Variants in RIMBP2 observed in about 807,000 individuals in gnomAD.
RIMBP2 encodes RIMS binding protein 2, also known as RIMS-binding protein 2.
In RIMBP2, 48 loss-of-function variants were observed where a neutral mutation model predicts 118.6. The ratio of observed to expected loss-of-function variants is 0.40; its 90% CI spans 0.32 to 0.51. The LOEUF (loss-of-function observed/expected upper bound fraction) is 0.51. Ranked by LOEUF, RIMBP2 falls within the 20% of genes least tolerant of loss-of-function variation. RIMBP2 has a pLI of 0.41. For synonymous variants in RIMBP2, 762 were observed against 742.9 expected (o/e 1.03, Z -0.42); for missense variants, 1,551 against 1,768.3 (o/e 0.88, Z 2.20).
chr12:130,466,645 T>G (rs549804840), intron 6 of RIMBP2, among the ~76,000 whole-genome samples: 4 of 152,270 alleles, frequency 2.6e-5, no homozygotes, highest in African/African-American at 9.6e-5. Context: ...GCCGCAAAGA[T>G]TAAAAAGCTA....
chr12:130,570,627 C>A (rs2057559684), intron 2 of RIMBP2, among the ~76,000 whole-genome samples: 1 of 152,134 alleles, frequency 6.6e-6, no homozygotes, highest in Admixed American at 6.5e-5. Flanking sequence ...GACGAGTCGT[C>A]TAGACTGCCT....
chr12:130,601,335 C>CAAAAAAAAAAAAAAAAA (rs35127958), intron 2 of RIMBP2, among the ~76,000 whole-genome samples: 1 of 63,064 alleles, frequency 1.6e-5, no homozygotes, highest in Non-Finnish European at 3.0e-5. Flanking sequence ...AGAGGGCAGG[C>CAAAAAAAAAAAAAAAAA]AAAAAAAAAA....
At chr12:130,604,729 A>AC (rs1415811404) in intron 2 of RIMBP2, among the ~76,000 whole-genome samples, 5 of 32,154 alleles carry the variant, frequency 1.6e-4, no homozygotes, top group Admixed American at 3.8e-4. Flanking sequence ...GACTACAGGC[A>AC]CCACCACCAC....
intron 21 of RIMBP2, among the ~76,000 whole-genome samples, chr12:130,404,880 A>T (rs2075014259): frequency 1.3e-5 from 2 of 152,194 alleles, no homozygotes; most frequent in South Asian, 4.1e-4. Flanking sequence ...AAAGTCCATA[A>T]ATACTCTAAG....
chr12:130,554,320 A>T (rs1248498356), intron 2 of RIMBP2, among the ~76,000 whole-genome samples: 4 of 152,190 alleles, frequency 2.6e-5, no homozygotes, highest in African/African-American at 9.7e-5. Context: ...CGTTTGCTAA[A>T]GTACCTAGCA....
chr12:130,635,239 G>A (rs1210921437), intron 1 of RIMBP2, among the ~76,000 whole-genome samples: 7 of 152,132 alleles, frequency 4.6e-5, no homozygotes, highest in African/African-American at 1.4e-4. Flanking sequence ...CAAGCCAGGC[G>A]GGCCAGCGCC....
At chr12:130,404,935 TTTA>T (rs763131953) in intron 21 of RIMBP2, among the ~76,000 whole-genome samples, 2 of 152,210 alleles carry the variant, frequency 1.3e-5, no homozygotes, top group Non-Finnish European at 2.9e-5. Context: ...GTATTCATTT[TTTA>T]TTATTAAAAA....
chr12:130,442,277 T>C lies in RIMBP2; in HGVS notation c.1075A>G (p.Met359Val), dbSNP rs148140736. 107 of 1,614,130 alleles carry C rather than the reference T, an allele frequency of 6.6e-5. No individual in the cohort carries two copies. The African/African-American group carries it at 1.3e-3, about 19-fold the overall frequency. ...GTTCTGCTCCCCAGCGTGAGGTTCA[T>C]GCGTGTCTCCTTGTCCACCAGGACG... The part of the protein sequence containing the change: ...YNVLVDKETR[M>V]NLTLGSRTKA... The change falls in exon 11 of 23, where the codon ATG (methionine) becomes GTG (valine). Residue 359 changes from methionine to valine, a missense_variant. This residue lies in a region of RIMBP2 where 265 missense variants were observed against 349.5 expected (regional missense o/e 0.76). Coordinates refer to ENST00000690449, the MANE Select transcript of RIMBP2 (RefSeq NM_001393629.1). This position sits in a 1 kb window ranked among gnomAD's most constrained non-coding sequence, Gnocchi z 6.9.
intron 2 of RIMBP2, among the ~76,000 whole-genome samples, chr12:130,561,045 C>T (rs965276497): frequency 3.9e-5 from 6 of 152,148 alleles, no homozygotes; most frequent in African/African-American, 4.8e-5. Flanking sequence ...ACAAAGAGAA[C>T]GCCATGGGAA....
At chr12:130,551,697 G>A (rs1201989949) in intron 2 of RIMBP2, among the ~76,000 whole-genome samples, 2 of 152,180 alleles carry the variant, frequency 1.3e-5, no homozygotes, top group Admixed American at 6.5e-5. Flanking sequence ...GATAGAGCAA[G>A]GTGAGATAGG....
rs1949801184 is a variant in RIMBP2 at position 130,710,137 on chromosome 12, G to A, written c.-352+6085C>T. On this transcript the variant is annotated intron_variant, in intron 1 of 22. Coordinates refer to ENST00000690449, the MANE Select transcript of RIMBP2 (RefSeq NM_001393629.1). This position sits in a 1 kb window ranked among gnomAD's most constrained non-coding sequence, Gnocchi z 4.3. ...CCCAGCTGCTCCAAAAACACCCAAG[G>A]AGCAATTTCTGCACATACCTATGAG... is the stretch of plus-strand genomic sequence containing the variant. 6.6e-6 allele frequency among the ~76,000 whole-genome samples: 1 copy of A among 152,106 alleles called. No individual in the cohort carries two copies. The highest frequency in any genetic ancestry group is 1.9e-4 in the East Asian group (1 of 5,164).
intron 2 of RIMBP2, among the ~76,000 whole-genome samples, chr12:130,568,928 C>T (rs74416475): frequency 0.035 from 5,383 of 152,130 alleles, 221 homozygotes; most frequent in East Asian, 0.16. Flanking sequence ...TAAAATGCCA[C>T]GTGCCCTCCT....
At chr12:130,405,628 G>C (rs979016696) in intron 21 of RIMBP2, among the ~76,000 whole-genome samples, 1 of 151,884 alleles carries the variant, frequency 6.6e-6, no homozygotes, top group African/African-American at 2.4e-5. Flanking sequence ...CAGAAAAGGA[G>C]GGAGGGTGGC....
intron 1 of RIMBP2, among the ~76,000 whole-genome samples, chr12:130,652,752 G>C (rs1476725801): frequency 2.0e-5 from 3 of 152,184 alleles, no homozygotes; most frequent in Non-Finnish European, 2.9e-5. Context: ...GCAGCATGGT[G>C]CCAGCACCTG....
At position 130,622,069 on chromosome 12, in the gene RIMBP2, A is replaced by G. The variant is rs2140846726; in HGVS notation, c.-217+6253T>C. Among the ~76,000 whole-genome samples, 1 of 152,392 alleles carries G rather than the reference A, an allele frequency of 6.6e-6. No homozygotes were observed. Among genetic ancestry groups the G allele is most frequent in the South Asian group, 2.1e-4 (1 of 4,828 alleles). ...ATAATTGCTTTAGTCATGAAGAGTA[A>G]CGACATTAAGAGCCATTTTAACTAG... On this transcript the variant is annotated intron_variant, in intron 2 of 22. Coordinates refer to ENST00000690449, the MANE Select transcript of RIMBP2 (RefSeq NM_001393629.1). The surrounding 1 kb of genome is among the most constrained non-coding windows in gnomAD (Gnocchi z 8.5).
At chr12:130,672,281 C>A (rs1162435634) in intron 1 of RIMBP2, among the ~76,000 whole-genome samples, 4 of 152,190 alleles carry the variant, frequency 2.6e-5, no homozygotes, top group Admixed American at 2.6e-4. Flanking sequence ...CTGCATCTCA[C>A]AATACGACTC....
At chr12:130,570,591 C>T (rs188273929) in intron 2 of RIMBP2, among the ~76,000 whole-genome samples, 11 of 152,258 alleles carry the variant, frequency 7.2e-5, no homozygotes, top group East Asian at 1.9e-4. Context: ...AGACTGCCTG[C>T]GCGACACCTG....
At chr12:130,506,505 A>AAAC in intron 4 of RIMBP2, 143 bp downstream of exon 4, 1 of 524,224 alleles carries the variant, frequency 1.9e-6, no homozygotes, top group Non-Finnish European at 2.5e-6. Flanking sequence ...AAAAGGGGAA[A>AAAC]AACAGCCCCA....
chr12:130,664,415 A>ACGCACGCACACGCACGCACACACG lies in RIMBP2; in HGVS notation c.-351-35960_-351-35959insCGTGTGTGCGTGCGTGTGCGTGCG, dbSNP rs1195044326. On this transcript the variant is annotated intron_variant, in intron 1 of 22. Transcript: ENST00000690449. Reference sequence around the variant, plus strand: ...CACACACACGCACGCACGCACGCACACACACGCACACACATGCATGCACGC... The same window carrying ACGCACGCACACGCACGCACACACG: ...CACACACACGCACGCACGCACGCACACGCACGCACACGCACGCACACACGCACACGCACACACATGCATGCACGC... 1.3e-3 allele frequency among the ~76,000 whole-genome samples: 173 copies of ACGCACGCACACGCACGCACACACG among 130,494 alleles called. 3 individuals are homozygous for ACGCACGCACACGCACGCACACACG. Among genetic ancestry groups the ACGCACGCACACGCACGCACACACG allele is most frequent in the Non-Finnish European group, 2.5e-3 (149 of 59,390 alleles). The allele number at this position is 130,494 out of a possible 152,430, so 85.6% of individuals were successfully genotyped here.
Sources: allele counts gnomAD v4.1 joint callset (sites outside exome capture counted in the v4.1 genomes callset), GRCh38; gene constraint gnomAD v4.1.1; regional missense constraint gnomAD v4.1.1; non-coding constraint Gnocchi (gnomAD v3.1); transcripts MANE v1.5; gene names NCBI Gene and HGNC (gene_info 2026-07-23, HGNC 2026-07-21).